TSPAN14: variants seen among roughly 807,000 people sequenced by gnomAD.
The protein encoded by TSPAN14 is tetraspanin-14.
Under a neutral mutation model 36.6 loss-of-function variants are expected in TSPAN14, and 16 were observed. That is an observed-to-expected ratio of 0.44 (90% CI 0.30 to 0.66). The LOEUF is 0.66. Ranked by LOEUF, TSPAN14 falls within the 30% of genes least tolerant of loss-of-function variation. TSPAN14 has a pLI of 0.12. For missense variants in TSPAN14, 231 were observed against 355.1 expected (o/e 0.65, Z 2.81); for synonymous variants, 139 against 143.8 (o/e 0.97, Z 0.24).
In TSPAN14 at chr10:80,516,174, G is replaced by A. The variant is rs371290961; in HGVS notation, c.622-30G>A. On this transcript the variant is annotated intron_variant, in intron 7 of 8. Coordinates refer to ENST00000429989, the Ensembl canonical transcript of TSPAN14. The stretch of plus-strand genomic sequence containing the variant: ...AGGTGGGGACATCGTGTGTGCCAAA[G>A]GCTCAGACCCCTGTGGTGTTTTCCT... The A allele has an allele frequency of 1.1e-5, 17 of 1,613,932 alleles. No individual in the cohort carries two copies. The African/African-American group carries it at 2.3e-4, about 22-fold the overall frequency.
chr10:80,480,970 G>T (rs1847239530), intron 1 of TSPAN14, among the ~76,000 whole-genome samples: 1 of 152,114 alleles, frequency 6.6e-6, no homozygotes, highest in Non-Finnish European at 1.5e-5. Context: ...GCTGGGCGTG[G>T]TGGTGCATGC....
At chr10:80,510,462 C>T (rs12246432) in intron 5 of TSPAN14, among the ~76,000 whole-genome samples, 27,923 of 152,166 alleles carry the variant, frequency 0.18, 2,781 homozygotes, top group South Asian at 0.3. Context: ...TCAGTGCCAC[C>T]GTCCTTTTTT....
exon 9 of TSPAN14, chr10:80,522,192 G>A (rs911995579): frequency 6.6e-6 from 1 of 152,184 alleles, no homozygotes; most frequent in Admixed American, 6.5e-5. Context: ...TATTCCAGCA[G>A]GGTCTTCCAA....
In TSPAN14 at chr10:80,502,229, G is replaced by A. The variant is rs187626571; in HGVS notation, c.82-2499G>A. Among the ~76,000 whole-genome samples the A allele has an allele frequency of 3.2e-4, 49 of 152,354 alleles. No homozygotes were observed. The East Asian group carries it at 6.9e-3, about 22-fold the overall frequency. On this transcript the variant is annotated intron_variant, in intron 2 of 8. Transcript: ENST00000429989. ...GGGTGGCCCAGGGAGTGGCGTTGGA[G>A]CAGGGAGGTGGGAAGGAGATGCCGT... is the stretch of plus-strand genomic sequence containing the variant.
intron 1 of TSPAN14, among the ~76,000 whole-genome samples, chr10:80,474,650 G>C (rs140250732): frequency 1.3e-5 from 2 of 152,188 alleles, no homozygotes; most frequent in African/African-American, 4.8e-5. Flanking sequence ...AGTGTTGGAG[G>C]GTTGTGAGGC....
intron 1 of TSPAN14, among the ~76,000 whole-genome samples, chr10:80,483,635 A>T (rs1191481304): frequency 2.0e-5 from 3 of 152,174 alleles, no homozygotes; most frequent in Non-Finnish European, 4.4e-5. Flanking sequence ...TAGGCCGGGT[A>T]TGGTGGCTTA....
Position 80,516,009 on chromosome 10 carries a change from C to T in TSPAN14, c.622-195C>T, listed in dbSNP as rs111370776. 11,078 of 718,194 alleles carry T rather than the reference C, an allele frequency of 0.015. 904 individuals are homozygous for T. In the African/African-American group the frequency reaches 0.17, roughly 11 times the overall value. 44.5% of individuals were successfully genotyped at this position (718,194 alleles called of 1,614,324 possible). On this transcript the variant is annotated intron_variant, in intron 7 of 8. Coordinates refer to ENST00000429989, the Ensembl canonical transcript of TSPAN14. ...GGAGCCTTTGGTCAGACAGGTGGTG[C>T]GATGGCACAGTGCCCAGCGAGGGGC...
At chr10:80,504,875 G>A (rs1003109959) in intron 3 of TSPAN14, 97 bp downstream of exon 3, 10 of 1,338,332 alleles carry the variant, frequency 7.5e-6, no homozygotes, top group South Asian at 5.9e-5. Flanking sequence ...CTGACAACAA[G>A]CATTTCTTGT....
At position 80,505,590 on chromosome 10, in the gene TSPAN14, G is replaced by C. The variant is rs1000807675; in HGVS notation, c.132+812G>C. ...GAGGCAGGAGAACCTAGGTCTACAG[G>C]CTTTCCTGCCATGGTCTTAGGGACT... On this transcript the variant is annotated intron_variant, in intron 3 of 8. Transcript: ENST00000429989. 5.3e-5 allele frequency among the ~76,000 whole-genome samples: 8 copies of C among 152,224 alleles called. No homozygotes were observed. In the East Asian group the frequency reaches 1.2e-3, roughly 22 times the overall value.
chr10:80,458,444 G>A (rs540918389), intron 1 of TSPAN14, among the ~76,000 whole-genome samples: 1 of 152,342 alleles, frequency 6.6e-6, no homozygotes, highest in Non-Finnish European at 1.5e-5. Context: ...GGGGCCAGCA[G>A]ACACTGTTGG....
exon 9 of TSPAN14, chr10:80,520,927 C>CTGCAG (rs1397730864): frequency 8.6e-6 from 4 of 464,390 alleles, no homozygotes; most frequent in Non-Finnish European, 1.8e-5. Flanking sequence ...TAGGACTCTG[C>CTGCAG]TGCAGCTGTC....
chr10:80,520,813 T>C (rs373068834), exon 9 of TSPAN14: 6 of 533,386 alleles, frequency 1.1e-5, no homozygotes, highest in Non-Finnish European at 2.3e-5. Context: ...TCTGGCCTTC[T>C]TCAGCCTCTG....
rs138145980 is a variant in TSPAN14 at position 80,487,335 on chromosome 10, G to A, written c.-17-1882G>A. ...TATCACCGTGGGGGCGGGGGTGGGG[G>A]ACTTGTCGGAAATGCAGATTCAAGG... is the stretch of plus-strand genomic sequence containing the variant. On this transcript the variant is annotated intron_variant, in intron 1 of 8. Transcript: ENST00000429989. 3.6e-3 allele frequency among the ~76,000 whole-genome samples: 545 copies of A among 151,518 alleles called. 3 individuals are homozygous for A. The highest frequency in any genetic ancestry group is 0.012 in the African/African-American group (511 of 41,422).
intron 8 of TSPAN14, 65 bp downstream of exon 8, chr10:80,516,388 A>G (rs375548005): frequency 3.7e-6 from 6 of 1,609,042 alleles, no homozygotes; most frequent in Non-Finnish European, 2.6e-6. Context: ...GGCCCTTAAC[A>G]TAGAGTGCAT....
chr10:80,456,908 C>A (rs1845758197), intron 1 of TSPAN14, among the ~76,000 whole-genome samples: 1 of 152,002 alleles, frequency 6.6e-6, no homozygotes, highest in Non-Finnish European at 1.5e-5. Context: ...ACGAAAAATA[C>A]AAAATTAGCT....
intron 3 of TSPAN14, 119 bp downstream of exon 3, chr10:80,504,897 G>A: frequency 1.9e-6 from 2 of 1,074,502 alleles, no homozygotes; most frequent in East Asian, 2.4e-5. Context: ...CAGTGTCAAG[G>A]TGTATAATTG....
In TSPAN14 at chr10:80,514,052, G is replaced by A. The variant is rs1226719848; in HGVS notation, c.610G>A (p.Val204Ile). 3 of 1,613,798 alleles carry A rather than the reference G, an allele frequency of 1.9e-6. No homozygotes were observed. In the Admixed American group the frequency reaches 5.0e-5, roughly 27 times the overall value. Residue 204 changes from valine (V) to isoleucine (I), a missense_variant, in exon 7 of 9, where the codon GTC (valine) becomes ATC (isoleucine). By Grantham distance (29) the Val-to-Ile change is conservative. Coordinates refer to ENST00000429989, the Ensembl canonical transcript of TSPAN14. ...TGTGAACACACAGTGTGGATATGAT[G>A]TCAGGATTCAGGTGAGAACTCCCAT...
In TSPAN14 at chr10:80,479,289, T is replaced by G. The variant is rs533708035; in HGVS notation, c.-17-9928T>G. Among the ~76,000 whole-genome samples, 22 of 150,826 alleles carry G rather than the reference T, an allele frequency of 1.5e-4. No individual in the cohort carries two copies. The East Asian group carries it at 3.5e-3, about 24-fold the overall frequency. On this transcript the variant is annotated intron_variant, in intron 1 of 8. Transcript: ENST00000429989. ...TTTCTTTTGCTGTGCAGAAGCTCTTTAGTTTAATTAGATCCCATTTGTCAA... is the reference window on the plus strand; with the variant it reads ...TTTCTTTTGCTGTGCAGAAGCTCTTGAGTTTAATTAGATCCCATTTGTCAA...
chr10:80,465,304 C>T (rs951772893), intron 1 of TSPAN14, among the ~76,000 whole-genome samples: 3 of 152,154 alleles, frequency 2.0e-5, no homozygotes, highest in South Asian at 2.1e-4. Flanking sequence ...CCGTTCCTCA[C>T]GCGAGCACTC....
Sources: allele counts gnomAD v4.1 joint callset (sites outside exome capture counted in the v4.1 genomes callset), GRCh38; gene constraint gnomAD v4.1.1; transcripts MANE v1.5; gene names NCBI Gene and HGNC (gene_info 2026-07-23, HGNC 2026-07-21).